CLXN: variants seen among roughly 807,000 people sequenced by gnomAD.
CLXN encodes calaxin.
chr8:48,726,995 T>TCATCCATCCATC, the CLXN span, among the ~76,000 whole-genome samples: 4 of 124,414 alleles, frequency 3.2e-5, no homozygotes, highest in South Asian at 2.8e-4. Flanking sequence ...ATCCATCCAC[T>TCATCCATCCATC]CATCCATCCA....
the CLXN span, chr8:48,730,580 T>A: frequency 1.9e-6 from 3 of 1,611,910 alleles, no homozygotes; most frequent in Non-Finnish European, 2.5e-6. Context: ...GAAACAGTGA[T>A]AATCCATGAA....
At chr8:48,735,123 G>A in the CLXN span, 3 of 1,614,144 alleles carry the variant, frequency 1.9e-6, no homozygotes, top group East Asian at 4.5e-5. Context: ...TAAGGTGTCC[G>A]TCAGCTTCTG....
the CLXN span, among the ~76,000 whole-genome samples, chr8:48,726,398 C>T: frequency 2.7e-5 from 4 of 150,778 alleles, no homozygotes; most frequent in African/African-American, 9.8e-5. Flanking sequence ...CTACCTCACC[C>T]ATCCATCTGC....
At chr8:48,731,383 G>A in the CLXN span, 4 of 1,611,822 alleles carry the variant, frequency 2.5e-6, no homozygotes, top group South Asian at 3.3e-5. Context: ...CATTCCAAAT[G>A]TCACATGCAG....
the CLXN span, among the ~76,000 whole-genome samples, chr8:48,719,631 T>G: frequency 6.6e-6 from 1 of 152,214 alleles, no homozygotes; most frequent in South Asian, 2.1e-4. Context: ...AATCAATTAA[T>G]GTGATACAAC....
At chr8:48,713,428 G>T in the CLXN span, among the ~76,000 whole-genome samples, 112 of 152,316 alleles carry the variant, frequency 7.4e-4, no homozygotes, top group Admixed American at 3.5e-3. Flanking sequence ...GGCCCCCTGA[G>T]ATAAGACACA....
At chr8:48,712,038 G>C in the CLXN span, among the ~76,000 whole-genome samples, 1 of 152,150 alleles carries the variant, frequency 6.6e-6, no homozygotes, top group Non-Finnish European at 1.5e-5. Context: ...TCCATTTTCT[G>C]ACTTTATCAT....
At chr8:48,717,644 C>T in the CLXN span, among the ~76,000 whole-genome samples, 1 of 152,132 alleles carries the variant, frequency 6.6e-6, no homozygotes, top group Admixed American at 6.5e-5. Flanking sequence ...AATAATGCAA[C>T]ACTGTAGTAT....
the CLXN span, chr8:48,730,406 G>T: frequency 1.5e-5 from 8 of 519,738 alleles, no homozygotes; most frequent in South Asian, 9.7e-5. Context: ...CATAAAATAG[G>T]TTAGTGGGAT....
At chr8:48,733,023 G>C in the CLXN span, among the ~76,000 whole-genome samples, 5 of 152,114 alleles carry the variant, frequency 3.3e-5, no homozygotes, top group African/African-American at 1.2e-4. Flanking sequence ...GTGGATGGTG[G>C]TGTTGCAAGC....
chr8:48,724,565 T>C, the CLXN span: 14 of 470,110 alleles, frequency 3.0e-5, no homozygotes, highest in African/African-American at 2.4e-4. Context: ...GGACTTCTTG[T>C]CTTCCATCTA....
the CLXN span, chr8:48,735,276 T>C: frequency 9.1e-7 from 1 of 1,096,086 alleles, no homozygotes; most frequent in Non-Finnish European, 1.3e-6. Flanking sequence ...ACTGATCTCG[T>C]GCGCGGCCCT....
At chr8:48,730,486 C>A in the CLXN span, 1 of 1,234,542 alleles carries the variant, frequency 8.1e-7, no homozygotes, top group East Asian at 2.5e-5. Context: ...GATTTAAGTG[C>A]TTTAGATATG....
chr8:48,722,765 T>TAC, the CLXN span, among the ~76,000 whole-genome samples: 122,905 of 149,406 alleles, frequency 0.82, 50,529 homozygotes, highest in South Asian at 0.87. Flanking sequence ...GTCTCCCCAT[T>TAC]ACACACACAC....
chr8:48,712,727 G>A, the CLXN span, among the ~76,000 whole-genome samples: 3 of 152,102 alleles, frequency 2.0e-5, no homozygotes, highest in Admixed American at 1.3e-4. Context: ...TTGGCCGGGC[G>A]TGGTGGCTCA....
the CLXN span, among the ~76,000 whole-genome samples, chr8:48,719,496 A>C: frequency 9.8e-5 from 15 of 152,338 alleles, no homozygotes; most frequent in African/African-American, 3.4e-4. Context: ...ATCCCTGATG[A>C]ACATTGGAAC....
the CLXN span, among the ~76,000 whole-genome samples, chr8:48,721,268 C>A: frequency 6.6e-6 from 1 of 151,976 alleles, no homozygotes; most frequent in Non-Finnish European, 1.5e-5. Context: ...AAGTCTTATA[C>A]ACTGAAAATT....
At chr8:48,728,951 A>G in the CLXN span, 1 of 803,712 alleles carries the variant, frequency 1.2e-6, no homozygotes, top group Non-Finnish European at 1.9e-6. Flanking sequence ...GGTGGACAGG[A>G]TTTGTCTGAT....
chr8:48,712,243 G>A, the CLXN span: 1 of 152,244 alleles, frequency 6.6e-6, no homozygotes, highest in African/African-American at 2.4e-5. Flanking sequence ...GTGGCTCCAA[G>A]TGGTGGTGTC....
Sources: gnomAD v4.1 joint callset for allele counts (sites outside exome capture counted in the v4.1 genomes callset) on GRCh38, gnomAD v4.1.1 for gene constraint, MANE v1.5 for transcripts, NCBI Gene and HGNC (gene_info 2026-07-23, HGNC 2026-07-21) for gene names.